The following CCDC42 variants were observed in gnomAD, a reference collection of about 807,000 sequenced individuals.
CCDC42 encodes the protein coiled-coil domain-containing protein 42.
In CCDC42, 38 loss-of-function variants were observed where a neutral mutation model predicts 40.8. The ratio of observed to expected loss-of-function variants is 0.93; its 90% CI spans 0.72 to 1.22. The LOEUF is 1.22. Among genes scored for constraint, CCDC42 ranks in the 50% most tolerant of loss-of-function variants. The probability of loss-of-function intolerance (pLI) is 0.00; values close to 1 mark genes in which losing one functional copy is unlikely to be tolerated. For missense variants in CCDC42, 379 were observed against 416.5 expected (o/e 0.91, Z 0.78); for synonymous variants, 135 against 157.5 (o/e 0.86, Z 1.07).
intron 1 of CCDC42, 70 bp from the exon 2 acceptor site, chr17:8,744,254 G>T (rs902089848): frequency 1.7e-6 from 2 of 1,182,896 alleles, no homozygotes; most frequent in Admixed American, 2.0e-5. Flanking sequence ...GGAGTAACCC[G>T]TGGAGACAGA....
chr17:8,733,749 A>G (rs986926464), intron 6 of CCDC42, among the ~76,000 whole-genome samples: 9 of 151,996 alleles, frequency 5.9e-5, no homozygotes, highest in African/African-American at 2.2e-4. Context: ...TCAGCCTCCA[A>G]AAGTGCTGGG....
chr17:8,734,675 G>T (rs551816729), intron 6 of CCDC42, among the ~76,000 whole-genome samples: 1 of 151,968 alleles, frequency 6.6e-6, no homozygotes, highest in Non-Finnish European at 1.5e-5. Flanking sequence ...TCTTTTTAAC[G>T]AAGTGTGGGC....
In CCDC42 at chr17:8,744,598, G is replaced by A; in HGVS notation, c.12C>T (p.Gly4=). 6.2e-7 allele frequency: 1 copy of A among 1,611,698 alleles called. No homozygotes were observed. Among genetic ancestry groups the A allele is most frequent in the Non-Finnish European group, 8.5e-7 (1 of 1,179,072 alleles). Residue 4 remains glycine (G), a synonymous_variant, in exon 1 of 7, where the codon GGC becomes GGT. Coordinates refer to ENST00000293845, the MANE Select transcript of CCDC42 (RefSeq NM_144681.3). The part of the protein sequence containing the change: MSL[G]IMEEEDLAEY... Reference sequence around the variant, plus strand: ...CGGCCAGGTCTTCCTCTTCCATGATGCCCAGACTCATGGTGGCAGTGACCT... The same window carrying A: ...CGGCCAGGTCTTCCTCTTCCATGATACCCAGACTCATGGTGGCAGTGACCT...
At position 8,730,184 on chromosome 17, in the gene CCDC42, C is replaced by A; in HGVS notation, c.897G>T (p.Arg299=). The A allele has an allele frequency of 6.2e-7, 1 of 1,613,952 alleles. No homozygotes were observed. Among genetic ancestry groups the A allele is most frequent in the Non-Finnish European group, 8.5e-7 (1 of 1,179,912 alleles). ...LDMIQQFIQD[R]SDIWAEVKKK... ...TTTTCACCTCTGCCCAGATGTCCGA[C>A]CGGTCTTGGATAAATTGCTGGATCT... The change falls in exon 7 of 7, where the codon CGG becomes CGT. Residue 299 remains arginine (R), a synonymous_variant. Transcript: ENST00000293845.
rs781307777 is a variant in CCDC42, at chr17:8,741,483, C to T, written c.483G>A (p.Glu161=). The change falls in exon 4 of 7, where the codon GAG becomes GAA. Residue 161 remains glutamate, a synonymous_variant. Transcript: ENST00000293845. ...IFNKYLEKVV[E]NSEFEEIHEV... is the part of the protein sequence containing the mutation. ...TGCTCCTTGGACTCACCTCGGAGTT[C>T]TCCACCACCTTCTCTAGGTACTTGT... is the stretch of plus-strand genomic sequence containing the variant. 3 of 1,614,194 alleles carry T rather than the reference C, an allele frequency of 1.9e-6. No individual in the cohort carries two copies. The highest frequency in any genetic ancestry group is 4.5e-5 in the East Asian group (2 of 44,880).
rs1472488569 is a variant in CCDC42 at position 8,744,616 on chromosome 17, A to G, written c.-7T>C. ...CCATGATGCCCAGACTCATGGTGGC[A>G]GTGACCTCACGGCCCAGGCAGCTGA... On this transcript the variant is annotated 5_prime_UTR_variant, in exon 1 of 7. Transcript: ENST00000293845. The G allele has an allele frequency of 1.2e-6, 2 of 1,604,968 alleles. No individual in the cohort carries two copies. The highest frequency in any genetic ancestry group is 1.7e-6 in the Non-Finnish European group (2 of 1,174,026).
chr17:8,730,223 G>A lies in CCDC42; in HGVS notation c.874-16C>T. 6.2e-7 allele frequency: 1 copy of A among 1,609,920 alleles called. No homozygotes were observed. Among genetic ancestry groups the A allele is most frequent in the South Asian group, 1.1e-5 (1 of 90,714 alleles). On this transcript the variant is annotated splice_polypyrimidine_tract_variant and intron_variant, in intron 6 of 6. Transcript: ENST00000293845. ...ATTGCTGGATCTAGAAAGGCAAGGAGCCCAGCGTTAACTCCGCCCCCCAGA... is the reference window on the plus strand; with the variant it reads ...ATTGCTGGATCTAGAAAGGCAAGGAACCCAGCGTTAACTCCGCCCCCCAGA...
At chr17:8,737,434 C>T (rs2086618921) in intron 4 of CCDC42, among the ~76,000 whole-genome samples, 1 of 152,168 alleles carries the variant, frequency 6.6e-6, no homozygotes. Flanking sequence ...ATACTAGAAA[C>T]ATTACAGGTC....
Position 8,741,552 on chromosome 17 carries a change from C to T in CCDC42, c.414G>A (p.Glu138=). 7 of 1,614,228 alleles carry T rather than the reference C, an allele frequency of 4.3e-6. No individual in the cohort carries two copies. The highest frequency in any genetic ancestry group is 4.2e-6 in the Non-Finnish European group (5 of 1,180,044). Residue 138 remains glutamate, a synonymous_variant, in exon 4 of 7, where the codon GAG becomes GAA. Transcript: ENST00000293845. Reference sequence around the variant, plus strand: ...TCAGCTTGGCGCTCAGCCGCTGGTGCTCCAGCCGCAGCGCCACCATCTCCT... The same window carrying T: ...TCAGCTTGGCGCTCAGCCGCTGGTGTTCCAGCCGCAGCGCCACCATCTCCT... The part of the protein sequence containing the change: ...RKQEMVALRL[E]HQRLSAKLKD...
intron 6 of CCDC42, among the ~76,000 whole-genome samples, chr17:8,732,965 C>T (rs1398183221): frequency 6.6e-6 from 1 of 152,204 alleles, no homozygotes; most frequent in Non-Finnish European, 1.5e-5. Context: ...AGCTGCCTTA[C>T]AAAGCCAGTG....
chr17:8,734,845 C>T (rs2086600183), intron 6 of CCDC42, among the ~76,000 whole-genome samples: 1 of 152,258 alleles, frequency 6.6e-6, no homozygotes, highest in Non-Finnish European at 1.5e-5. Flanking sequence ...GTATGGAACC[C>T]GAACCAGCAG....
In CCDC42 at chr17:8,735,140, C is replaced by T; in HGVS notation, c.829G>A (p.Val277Met). 1.2e-6 allele frequency: 2 copies of T among 1,614,196 alleles called. No individual in the cohort carries two copies. Among genetic ancestry groups the T allele is most frequent in the East Asian group, 2.2e-5 (1 of 44,878 alleles). ...GTGTCCTCCAGTGCCACCTCAGTCACCTCCTTCAGGTGCTTGCTCACGATC... is the reference window on the plus strand; with the variant it reads ...GTGTCCTCCAGTGCCACCTCAGTCATCTCCTTCAGGTGCTTGCTCACGATC... ...FQIVSKHLKE[V>M]TEVALEDTHK... Residue 277 changes from valine (V) to methionine (M), a missense_variant, in exon 6 of 7, where the codon GTG becomes ATG. Coordinates refer to ENST00000293845, the MANE Select transcript of CCDC42 (RefSeq NM_144681.3). The surrounding 1 kb of genome is among the most constrained non-coding windows in gnomAD (Gnocchi z 4.7).
intron 3 of CCDC42, 47 bp downstream of exon 3, chr17:8,743,579 G>A (rs377678668): frequency 1.4e-5 from 15 of 1,102,634 alleles, no homozygotes; most frequent in Admixed American, 1.7e-5. Flanking sequence ...GCCCACCTGC[G>A]GACTATGGAT....
In CCDC42 at chr17:8,735,302, T is replaced by C; in HGVS notation, c.715-48A>G. ...GCATGAGCACAGCATGTGGTGTGTGTGTGTTTGTGTGTATGTGTGTGTGTG... is the reference window on the plus strand; with the variant it reads ...GCATGAGCACAGCATGTGGTGTGTGCGTGTTTGTGTGTATGTGTGTGTGTG... On this transcript the variant is annotated intron_variant, in intron 5 of 6. Transcript: ENST00000293845. The surrounding 1 kb of genome is among the most constrained non-coding windows in gnomAD (Gnocchi z 4.7). 1.2e-6 allele frequency: 2 copies of C among 1,612,480 alleles called. No homozygotes were observed. The highest frequency in any genetic ancestry group is 1.7e-6 in the Non-Finnish European group (2 of 1,178,814).
chr17:8,742,979 C>T (rs1054335143), intron 3 of CCDC42, among the ~76,000 whole-genome samples: 5 of 152,190 alleles, frequency 3.3e-5, no homozygotes, highest in East Asian at 1.9e-4. Context: ...CTGTCCCACA[C>T]GGCTTAGGCA....
Position 8,735,058 on chromosome 17 carries a change from C to G in CCDC42, c.873+38G>C. On this transcript the variant is annotated intron_variant, in intron 6 of 6. Coordinates refer to ENST00000293845, the MANE Select transcript of CCDC42 (RefSeq NM_144681.3). This position sits in a 1 kb window ranked among gnomAD's most constrained non-coding sequence, Gnocchi z 4.7. ...CCAACTGGCAACCTCCTCGGCCCAGCCGACCCCACGGGCCCAGTGCCTGTC... is the reference window on the plus strand; with the variant it reads ...CCAACTGGCAACCTCCTCGGCCCAGGCGACCCCACGGGCCCAGTGCCTGTC... The G allele has an allele frequency of 6.2e-7, 1 of 1,610,532 alleles. No individual in the cohort carries two copies. The highest frequency in any genetic ancestry group is 8.5e-7 in the Non-Finnish European group (1 of 1,177,622).
chr17:8,737,028 A>AGAGG (rs1490575592), intron 4 of CCDC42, among the ~76,000 whole-genome samples: 1 of 51,080 alleles, frequency 2.0e-5, no homozygotes, highest in African/African-American at 5.7e-5. Context: ...AAAGAAAAGA[A>AGAGG]GAGGGAGGGA....
In CCDC42 at chr17:8,744,755, C is replaced by A; in HGVS notation, c.-146G>T. On this transcript the variant is annotated 5_prime_UTR_variant, in exon 1 of 7. Coordinates refer to ENST00000293845, the MANE Select transcript of CCDC42 (RefSeq NM_144681.3). ...CCCACAGATGATGGAGTTTGAGACT[C>A]CACAGAAGGTGGCTGGAGACAGGTT... is the stretch of plus-strand genomic sequence containing the variant. 1.5e-6 allele frequency: 1 copy of A among 649,070 alleles called. No individual in the cohort carries two copies. Among genetic ancestry groups the A allele is most frequent in the Non-Finnish European group, 2.8e-6 (1 of 359,618 alleles). 40.2% of individuals were successfully genotyped at this position (649,070 alleles called of 1,614,324 possible).
intron 6 of CCDC42, among the ~76,000 whole-genome samples, chr17:8,733,107 T>C (rs1389941920): frequency 1.3e-5 from 2 of 152,136 alleles, no homozygotes; most frequent in African/African-American, 4.8e-5. Flanking sequence ...TATTTTTTCT[T>C]ATTCTAGTAT....
Sources: gnomAD v4.1 joint callset for allele counts (sites outside exome capture counted in the v4.1 genomes callset) on GRCh38, gnomAD v4.1.1 for gene constraint, Gnocchi (gnomAD v3.1) non-coding constraint, MANE v1.5 for transcripts, NCBI Gene and HGNC (gene_info 2026-07-23, HGNC 2026-07-21) for gene names.